The following TRMT1 variants were observed in gnomAD, a reference collection of about 807,000 sequenced individuals.
TRMT1 encodes the protein tRNA methyltransferase 1, also known as tRNA (guanine(26)-N(2))-dimethyltransferase.
In TRMT1, 63 loss-of-function variants were observed where a neutral mutation model predicts 75.4. That is an observed-to-expected ratio of 0.84 (90% CI 0.68 to 1.03). The LOEUF is 1.03. Ranked by LOEUF, TRMT1 falls within the 50% of genes least tolerant of loss-of-function variation. The pLI, the probability that TRMT1 is intolerant of heterozygous loss-of-function variation, is 0.00. For synonymous variants in TRMT1, 382 were observed against 358.1 expected (o/e 1.07, Z -0.75); for missense variants, 870 against 905.3 (o/e 0.96, Z 0.50).
chr19:13,105,095 G>C lies in TRMT1; in HGVS notation c.1834-14C>G. On this transcript the variant is annotated splice_polypyrimidine_tract_variant and intron_variant, in intron 16 of 16. Transcript: ENST00000357720. Reference sequence around the variant, plus strand: ...TTGACAGGTGCCCTGGTGGGAAGATGGTGGGTGTGAACCCCTGCCCGGAGC... The same window carrying C: ...TTGACAGGTGCCCTGGTGGGAAGATCGTGGGTGTGAACCCCTGCCCGGAGC... The C allele has an allele frequency of 6.4e-7, 1 of 1,574,420 alleles. No individual in the cohort carries two copies. The highest frequency in any genetic ancestry group is 8.6e-7 in the Non-Finnish European group (1 of 1,159,386).
chr19:13,116,216 C>A lies in TRMT1; in HGVS notation c.184G>T (p.Ala62Ser), dbSNP rs767001379. The change falls in exon 2 of 17, where the codon GCC (alanine) becomes TCC (serine). Residue 62 changes from alanine to serine, a missense_variant. Coordinates refer to ENST00000357720, the MANE Select transcript of TRMT1 (RefSeq NM_001136035.4). ...VQETTVTEGAAKIAFPSANEV... is the reference protein window; with the variant it reads ...VQETTVTEGASKIAFPSANEV... ...TTGGCACTGGGAAAGGCGATTTTGG[C>A]AGCCCCCTCGGTGACTGTCGTCTCC... is the stretch of plus-strand genomic sequence containing the variant. The A allele has an allele frequency of 6.2e-7, 1 of 1,614,200 alleles. No homozygotes were observed. Among genetic ancestry groups the A allele is most frequent in the East Asian group, 2.2e-5 (1 of 44,892 alleles).
chr19:13,105,586 ATGG>A lies in TRMT1; in HGVS notation c.1601_1603del (p.Thr534del). On this transcript the variant is annotated inframe_deletion, in exon 15 of 17. Coordinates refer to ENST00000357720, the MANE Select transcript of TRMT1 (RefSeq NM_001136035.4). Reference sequence around the variant, plus strand: ...GGAGCTGGGGTTGGCATCTTCCCGGATGGTGAAGTTGGCCTGCAGCCTAGGGAA... The same window carrying A: ...GGAGCTGGGGTTGGCATCTTCCCGGATGAAGTTGGCCTGCAGCCTAGGGAA... 6.2e-7 allele frequency: 1 copy of A among 1,613,314 alleles called. No individual in the cohort carries two copies. The highest frequency in any genetic ancestry group is 8.5e-7 in the Non-Finnish European group (1 of 1,179,746).
chr19:13,109,812 G>A lies in TRMT1; in HGVS notation c.1133C>T (p.Pro378Leu), dbSNP rs1188760158. The change falls in exon 10 of 17, where the codon CCC (proline) becomes CTC (leucine). Residue 378 changes from proline (P) to leucine (L), a missense_variant. By Grantham distance (98) the Pro-to-Leu change is moderately conservative (BLOSUM62 -3). Transcript: ENST00000357720. ...GTGTTCACACTCGGGGGTCACAGGG[G>A]GACCACAGGCTGCAGAGAACTTGGC... ...GRAKFSAACG[P>L]PVTPECEHCG... The A allele has an allele frequency of 6.2e-7, 1 of 1,614,148 alleles. No homozygotes were observed. Among genetic ancestry groups the A allele is most frequent in the Non-Finnish European group, 8.5e-7 (1 of 1,180,024 alleles).
In TRMT1 at chr19:13,109,557, A is replaced by G. The variant is rs1361799684; in HGVS notation, c.1304T>C (p.Ile435Thr). The G allele has an allele frequency of 6.2e-6, 10 of 1,613,872 alleles. No individual in the cohort carries two copies. In the African/African-American group the frequency reaches 1.2e-4, roughly 19 times the overall value. The stretch of plus-strand genomic sequence containing the variant: ...TCACAGCCCGGCTCTCACCTCAGTG[A>G]TGACGCTCAGGACCCCTCGGATCCG... ...SERIRGVLSV[I>T]TEELPDVPLY... is the part of the protein sequence containing the mutation. Residue 435 changes from isoleucine to threonine, a missense_variant, in exon 11 of 17, where the codon ATC (isoleucine) becomes ACC (threonine). Ile to Thr is a moderately conservative substitution (Grantham distance 89). Transcript: ENST00000357720.
At chr19:13,111,244 G>A (rs530877487) in intron 7 of TRMT1, among the ~76,000 whole-genome samples, 6 of 151,950 alleles carry the variant, frequency 3.9e-5, no homozygotes, top group African/African-American at 1.2e-4. Flanking sequence ...TGGGGTCCTC[G>A]CTATGTTGCC....
In TRMT1 at chr19:13,109,622, C is replaced by T. The variant is rs972097341; in HGVS notation, c.1239G>A (p.Glu413=). The part of the protein sequence containing the change: ...HDLDFVGRVL[E]AVSANPGRFH... Reference sequence around the variant, plus strand: ...AGCGGCCGGGGTTAGCGCTCACAGCCTCCAGGACACGGCCCACAAAATCCA... The same window carrying T: ...AGCGGCCGGGGTTAGCGCTCACAGCTTCCAGGACACGGCCCACAAAATCCA... Residue 413 remains glutamate, a synonymous_variant, in exon 11 of 17, where the codon GAG becomes GAA. Coordinates refer to ENST00000357720, the MANE Select transcript of TRMT1 (RefSeq NM_001136035.4). The T allele has an allele frequency of 6.2e-6, 10 of 1,613,990 alleles. No homozygotes were observed. The highest frequency in any genetic ancestry group is 8.5e-6 in the Non-Finnish European group (10 of 1,180,016).
intron 16 of TRMT1, 83 bp from the exon 17 acceptor site, chr19:13,105,164 C>T: frequency 1.3e-6 from 2 of 1,551,424 alleles, no homozygotes; most frequent in Non-Finnish European, 1.7e-6. Context: ...GGGAAGCCCA[C>T]TCCCAAACAC....
chr19:13,105,133 G>C (rs759174916), intron 16 of TRMT1, 52 bp from the exon 17 acceptor site: 1 of 1,550,134 alleles, frequency 6.5e-7, no homozygotes, highest in Non-Finnish European at 8.7e-7. Flanking sequence ...AGCAGCCCCT[G>C]ATGGGATCCT....
At chr19:13,115,536 C>T (rs1568375149) in intron 4 of TRMT1, 70 bp from the exon 5 acceptor site, 1 of 1,598,764 alleles carries the variant, frequency 6.3e-7, no homozygotes, top group South Asian at 1.1e-5. Flanking sequence ...AAGGAGCCCC[C>T]ACCACCCACC....
In TRMT1 at chr19:13,113,059, T is replaced by C. The variant is rs762271705; in HGVS notation, c.642-48A>G. 4 of 1,467,172 alleles carry C rather than the reference T, an allele frequency of 2.7e-6. No homozygotes were observed. The East Asian group carries it at 9.5e-5, about 35-fold the overall frequency. 90.9% of individuals were successfully genotyped at this position (1,467,172 alleles called of 1,614,324 possible). ...CCTCAGCCTCCCACGCCAGGTACCT[T>C]CTCTGTCCCCTACACATATTAACTC... On this transcript the variant is annotated intron_variant, in intron 5 of 16. Transcript: ENST00000357720.
chr19:13,115,931 A>G, intron 3 of TRMT1, 66 bp downstream of exon 3: 2 of 1,612,734 alleles, frequency 1.2e-6, no homozygotes, highest in Non-Finnish European at 1.7e-6. Context: ...TGGGCGGCAG[A>G]AGAGCCCAGG....
rs2145603424 is a variant in TRMT1, at chr19:13,116,736, T to G, written c.-116A>C. 1 of 331,776 alleles carries G rather than the reference T, an allele frequency of 3.0e-6. No homozygotes were observed. The highest frequency in any genetic ancestry group is 5.6e-6 in the Non-Finnish European group (1 of 177,048). 20.6% of individuals were successfully genotyped at this position (331,776 alleles called of 1,614,324 possible). A position where few individuals can be genotyped will look rare whatever the true frequency, so the allele number is the denominator to read the frequency against. On this transcript the variant is annotated 5_prime_UTR_variant, in exon 1 of 17. Coordinates refer to ENST00000357720, the MANE Select transcript of TRMT1 (RefSeq NM_001136035.4). ...CCTGGGCGCCGCCATGTTGGCACAG[T>G]GGGTGGGCGAATCACATGATAGTGG...
At chr19:13,114,447 A>T (rs1248764203) in intron 5 of TRMT1, among the ~76,000 whole-genome samples, 2 of 152,200 alleles carry the variant, frequency 1.3e-5, no homozygotes, top group Admixed American at 1.3e-4. Flanking sequence ...CGGGCAGATC[A>T]CGAGGTCAGG....
At chr19:13,105,657 T>G (rs1251195653) in intron 14 of TRMT1, 51 bp from the exon 15 acceptor site, 1 of 1,561,882 alleles carries the variant, frequency 6.4e-7, no homozygotes, top group Non-Finnish European at 8.7e-7. Flanking sequence ...GCCACACGAG[T>G]GTGTCCCCAC....
chr19:13,109,676 G>A lies in TRMT1; in HGVS notation c.1185C>T (p.Gly395=), dbSNP rs1262306959. The change falls in exon 11 of 17, where the codon GGC becomes GGT. Residue 395 remains glycine (G), a synonymous_variant. Coordinates refer to ENST00000357720, the MANE Select transcript of TRMT1 (RefSeq NM_001136035.4). ...EHCGQRHQLG[G]PMWAEPIHDL... The stretch of plus-strand genomic sequence containing the variant: ...CATGGATGGGCTCTGCCCACATGGG[G>A]CCACCAAGCTGGGGGCGCACCGGGG... 1.2e-6 allele frequency: 2 copies of A among 1,613,924 alleles called. No homozygotes were observed. The highest frequency in any genetic ancestry group is 1.7e-5 in the Admixed American group (1 of 60,022).
chr19:13,106,096 T>C (rs1272713929), intron 14 of TRMT1, among the ~76,000 whole-genome samples: 1 of 151,874 alleles, frequency 6.6e-6, no homozygotes, highest in Non-Finnish European at 1.5e-5. Flanking sequence ...GGTCTCACTC[T>C]GCTGCCCAGG....
chr19:13,108,910 T>TA (rs2145581220), intron 12 of TRMT1, among the ~76,000 whole-genome samples: 1 of 143,828 alleles, frequency 7.0e-6, no homozygotes, highest in East Asian at 2.0e-4. Context: ...AAGCCTGGCC[T>TA]AATTTTTTTT....
intron 14 of TRMT1, among the ~76,000 whole-genome samples, chr19:13,106,493 T>C (rs2018875075): frequency 6.7e-6 from 1 of 150,204 alleles, no homozygotes; most frequent in Non-Finnish European, 1.5e-5. Flanking sequence ...TTTCTTTTCT[T>C]TTGGGATGGA....
chr19:13,112,912 C>A lies in TRMT1; in HGVS notation c.741G>T (p.Gln247His), dbSNP rs2019197136. The part of the protein sequence containing the change: ...SPATFLDAAV[Q>H]AVSEGGLLCV... ...CCACCTCACCTCCTTCACTCACAGC[C>A]TGCACAGCTGCATCCAGGAAGGTGG... The change falls in exon 6 of 17, where the codon CAG becomes CAT. Residue 247 changes from glutamine to histidine, a missense_variant. By Grantham distance (24) the Gln-to-His change is conservative (BLOSUM62 0). Transcript: ENST00000357720. The A allele has an allele frequency of 1.2e-6, 2 of 1,613,486 alleles. No homozygotes were observed. The highest frequency in any genetic ancestry group is 1.7e-6 in the Non-Finnish European group (2 of 1,179,662).
Sources: gnomAD v4.1 joint callset for allele counts (sites outside exome capture counted in the v4.1 genomes callset) on GRCh38, gnomAD v4.1.1 for gene constraint, MANE v1.5 for transcripts, NCBI Gene and HGNC (gene_info 2026-07-23, HGNC 2026-07-21) for gene names.